The following ZNF846 variants were observed in gnomAD, a reference collection of about 807,000 sequenced individuals.
ZNF846 encodes the protein zinc finger protein 846, also known as zinc finger protein 420 pseudogene.
In ZNF846, 15 loss-of-function variants were observed where a neutral mutation model predicts 16.0. The ratio of observed to expected loss-of-function variants is 0.94; its 90% CI spans 0.63 to 1.45. The LOEUF (loss-of-function observed/expected upper bound fraction) is 1.45, where lower values mean the gene tolerates loss of function less well. Ranked by LOEUF, ZNF846 falls within the 40% of genes most tolerant of loss-of-function variation. The pLI, the probability that ZNF846 is intolerant of heterozygous loss-of-function variation, is 0.00. For missense variants in ZNF846, 714 were observed against 622.3 expected, an observed-to-expected ratio of 1.15 and a Z score of -1.57; for synonymous variants, 229 against 212.0, an observed-to-expected ratio of 1.08 and a Z score of -0.70.
downstream of ZNF846, among the ~76,000 whole-genome samples, chr19:9,751,690 T>G (rs2045084936): frequency 6.6e-6 from 1 of 152,050 alleles, no homozygotes; most frequent in South Asian, 2.1e-4. Flanking sequence ...CTTTGTAACA[T>G]TCCTCCCTGC....
At chr19:9,766,370 C>T (rs565044265) in intron 1 of ZNF846, among the ~76,000 whole-genome samples, 32 of 147,558 alleles carry the variant, frequency 2.2e-4, no homozygotes, top group Middle Eastern at 3.6e-3. Context: ...GCCAAGATTG[C>T]GCCACTGCAC....
chr19:9,765,937 T>C (rs536243487), intron 1 of ZNF846, among the ~76,000 whole-genome samples: 4 of 151,270 alleles, frequency 2.6e-5, no homozygotes, highest in Non-Finnish European at 4.4e-5. Flanking sequence ...TAAATATACA[T>C]ATATATATAT....
chr19:9,758,695 A>G lies in ZNF846; in HGVS notation c.382T>C (p.Phe128Leu), dbSNP rs1174653409. 7 of 1,609,774 alleles carry G rather than the reference A, an allele frequency of 4.3e-6. No homozygotes were observed. The highest frequency in any genetic ancestry group is 3.4e-5 in the Admixed American group (2 of 59,690). The change falls in exon 6 of 6, where the codon TTT becomes CTT. Residue 128 changes from phenylalanine (F) to leucine (L), a missense_variant. By Grantham distance (22) the Phe-to-Leu change is conservative. Coordinates refer to ENST00000397902, the Ensembl canonical transcript of ZNF846. ...TGAGTTATCATGTGAGTCATAAGAA[A>G]TGGGTGTTCATTGAAGACTTTTCCA... is the stretch of plus-strand genomic sequence containing the variant.
intron 1 of ZNF846, among the ~76,000 whole-genome samples, chr19:9,783,372 A>C (rs1051752973): frequency 2.0e-5 from 3 of 148,914 alleles, no homozygotes; most frequent in African/African-American, 7.3e-5. Context: ...CTGGGATTAC[A>C]GACCCGCATC....
intron 1 of ZNF846, chr19:9,774,677 T>C: frequency 1.4e-6 from 2 of 1,474,186 alleles, no homozygotes; most frequent in Non-Finnish European, 1.9e-6. Flanking sequence ...TCCAGCAGAG[T>C]ATCCATTCAA....
chr19:9,753,224 A>ATTTAT, downstream of ZNF846, among the ~76,000 whole-genome samples: 1 of 100,660 alleles, frequency 9.9e-6, no homozygotes, highest in East Asian at 2.1e-4. Flanking sequence ...GACAAAATTT[A>ATTTAT]TTTATTTATT....
At chr19:9,758,352 A>C in exon 6 of ZNF846, 1 of 1,613,264 alleles carries the variant, frequency 6.2e-7, no homozygotes, top group South Asian at 1.1e-5. Context: ...TCCATGTCCT[A>C]TAAGGTGTGA....
chr19:9,762,254 G>A (rs1015850464), intron 3 of ZNF846, 86 bp from the exon 4 acceptor site: 2 of 1,003,216 alleles, frequency 2.0e-6, no homozygotes. Flanking sequence ...TTTGCCTTCG[G>A]GGATTCTAAA....
intron 1 of ZNF846, among the ~76,000 whole-genome samples, chr19:9,776,537 C>A (rs527548878): frequency 5.3e-5 from 8 of 152,250 alleles, no homozygotes; most frequent in Non-Finnish European, 8.8e-5. Flanking sequence ...CGTGACCTTA[C>A]CTATCATTGG....
intron 1 of ZNF846, among the ~76,000 whole-genome samples, chr19:9,780,054 T>TG (rs901140542): frequency 6.1e-5 from 9 of 148,658 alleles, no homozygotes; most frequent in African/African-American, 2.3e-4. Flanking sequence ...TTTTGTTTTT[T>TG]TTTTTGTTTT....
At chr19:9,766,802 A>C (rs1237249362) in intron 1 of ZNF846, among the ~76,000 whole-genome samples, 1 of 151,614 alleles carries the variant, frequency 6.6e-6, no homozygotes, top group Non-Finnish European at 1.5e-5. Flanking sequence ...CGGGAGGCCA[A>C]GGCAGGAGAA....
chr19:9,776,411 A>G (rs1238769035), intron 1 of ZNF846, among the ~76,000 whole-genome samples: 2 of 152,178 alleles, frequency 1.3e-5, no homozygotes, highest in African/African-American at 4.8e-5. Flanking sequence ...GAAAGTACTA[A>G]AAGTCTCTGA....
At chr19:9,760,814 C>T (rs1043301611) in intron 4 of ZNF846, among the ~76,000 whole-genome samples, 2 of 151,392 alleles carry the variant, frequency 1.3e-5, no homozygotes, top group South Asian at 2.1e-4. Flanking sequence ...AGGGTAAATC[C>T]GTAGAGAGAG....
intron 1 of ZNF846, among the ~76,000 whole-genome samples, chr19:9,783,544 A>T (rs10424121): frequency 0.27 from 28,436 of 104,056 alleles, 4,469 homozygotes; most frequent in African/African-American, 0.48. Flanking sequence ...AAAAAAAAAA[A>T]ATATATATAT....
upstream of ZNF846, among the ~76,000 whole-genome samples, chr19:9,770,159 T>C (rs1220875167): frequency 6.6e-6 from 1 of 152,080 alleles, no homozygotes; most frequent in Non-Finnish European, 1.5e-5. Context: ...TGTGCATCGA[T>C]CATCACAATC....
At chr19:9,764,595 C>T (rs1315362625) in intron 2 of ZNF846, among the ~76,000 whole-genome samples, 1 of 152,174 alleles carries the variant, frequency 6.6e-6, no homozygotes, top group Admixed American at 6.6e-5. Flanking sequence ...CTGGTATATC[C>T]AGTGCATTGT....
chr19:9,784,281 G>A (rs561748693), intron 1 of ZNF846, among the ~76,000 whole-genome samples: 1 of 152,314 alleles, frequency 6.6e-6, no homozygotes, highest in Non-Finnish European at 1.5e-5. Context: ...GATGTGGCAG[G>A]ACTATAGGGT....
At chr19:9,756,687 C>A (rs1018092804), downstream of ZNF846, 2 of 149,014 alleles carry the variant, frequency 1.3e-5, no homozygotes, top group Admixed American at 6.8e-5. Flanking sequence ...AAGTGAAGAT[C>A]TTGTAGCCTT....
At chr19:9,786,108 G>C (rs543521507), upstream of ZNF846, 1 of 151,992 alleles carries the variant, frequency 6.6e-6, no homozygotes, top group Admixed American at 6.5e-5. Context: ...CGGCGGCCGC[G>C]TCCTCCGCAA....
Sources: gnomAD v4.1 joint callset for allele counts (sites outside exome capture counted in the v4.1 genomes callset) on GRCh38, gnomAD v4.1.1 for gene constraint, MANE v1.5 for transcripts, NCBI Gene and HGNC (gene_info 2026-07-23, HGNC 2026-07-21) for gene names.